Variants in RSF1 observed in about 807,000 individuals in gnomAD.
The protein encoded by RSF1 is remodeling and spacing factor 1.
A neutral mutation model predicts 145.2 loss-of-function variants in RSF1; 13 were observed. The ratio of observed to expected loss-of-function variants is 0.09; its 90% CI spans 0.06 to 0.14. The LOEUF is 0.14. RSF1 is among the 10% of genes least tolerant of loss of function. RSF1 has a pLI of 1.00. For synonymous variants in RSF1, 577 were observed against 592.6 expected (o/e 0.97, Z 0.38); for missense variants, 1,517 against 1,718.2 (o/e 0.88, Z 2.07).
rs556155036 is a variant in RSF1, at chr11:77,771,528, T to C, written c.188-6839A>G. On this transcript the variant is annotated intron_variant, in intron 1 of 15. Transcript: ENST00000308488. The stretch of plus-strand genomic sequence containing the variant: ...AAGTCTTAGAGCTATGTAAAGAGTT[T>C]AGATTTTATTCTAAGGGTAATGAGA... Among the ~76,000 whole-genome samples, 23 of 152,302 alleles carry C rather than the reference T, an allele frequency of 1.5e-4. No homozygotes were observed. In the East Asian group the frequency reaches 4.2e-3, roughly 28 times the overall value.
At chr11:77,817,761 TA>T (rs769382996) in intron 1 of RSF1, among the ~76,000 whole-genome samples, 4 of 152,198 alleles carry the variant, frequency 2.6e-5, no homozygotes, top group Non-Finnish European at 5.9e-5. Flanking sequence ...TGCAAGGAAC[TA>T]AATCCATGTC....
chr11:77,746,180 C>G (rs755223173), intron 3 of RSF1, among the ~76,000 whole-genome samples: 4 of 152,024 alleles, frequency 2.6e-5, no homozygotes, highest in Non-Finnish European at 5.9e-5. Context: ...ACAATTACCC[C>G]CTTGGGACCA....
chr11:77,750,572 C>T (rs1948051472), intron 2 of RSF1, among the ~76,000 whole-genome samples: 1 of 152,106 alleles, frequency 6.6e-6, no homozygotes, highest in Non-Finnish European at 1.5e-5. Context: ...TATAATCTGC[C>T]TAGGGAGCCA....
At chr11:77,804,727 A>G (rs1018356796) in intron 1 of RSF1, among the ~76,000 whole-genome samples, 9 of 152,154 alleles carry the variant, frequency 5.9e-5, no homozygotes, top group Admixed American at 2.6e-4. Context: ...CAGCTACTCA[A>G]GAGGCTGAGG....
intron 5 of RSF1, among the ~76,000 whole-genome samples, chr11:77,711,028 G>A (rs1486832087): frequency 6.6e-6 from 1 of 151,060 alleles, no homozygotes; most frequent in Non-Finnish European, 1.5e-5. Context: ...CCACGATCTG[G>A]GCATTGAGGA....
the RSF1 span, among the ~76,000 whole-genome samples, chr11:77,865,747 A>G: frequency 6.6e-6 from 1 of 152,224 alleles, no homozygotes; most frequent in Non-Finnish European, 1.5e-5. Context: ...AAGCACATAT[A>G]ATACTAGACC....
chr11:77,687,827 T>A (rs932996459), intron 9 of RSF1, among the ~76,000 whole-genome samples: 3 of 152,296 alleles, frequency 2.0e-5, no homozygotes, highest in Non-Finnish European at 4.4e-5. Context: ...TAAAAATTTC[T>A]AAAAATCAAA....
rs564410248 is a variant in RSF1 at position 77,686,408 on chromosome 11, C to CA, written c.2901-1250dup. On this transcript the variant is annotated intron_variant, in intron 9 of 15. Transcript: ENST00000308488. ...GGGCATCAAGAGTGAGACCCTGTCT[C>CA]AAAAAAAAAAAAAAAAAAAAGCAGG... 3.8e-3 allele frequency among the ~76,000 whole-genome samples: 141 copies of CA among 37,056 alleles called. 11 individuals are homozygous for CA. The highest frequency in any genetic ancestry group is 0.015 in the South Asian group (15 of 1,012). The allele number at this position is 37,056 out of a possible 152,430, so 24.3% of individuals were successfully genotyped here.
At chr11:77,712,457 C>T (rs149141772) in intron 5 of RSF1, among the ~76,000 whole-genome samples, 1 of 152,310 alleles carries the variant, frequency 6.6e-6, no homozygotes, top group East Asian at 1.9e-4. Flanking sequence ...CAGACTAATA[C>T]AACACCTTAC....
Position 77,698,647 on chromosome 11 carries a change from C to G in RSF1, c.2555G>C (p.Gly852Ala). 6.2e-7 allele frequency: 1 copy of G among 1,614,106 alleles called. No individual in the cohort carries two copies. The highest frequency in any genetic ancestry group is 8.5e-7 in the Non-Finnish European group (1 of 1,180,012). The change falls in exon 7 of 16, where the codon GGC becomes GCC. Residue 852 changes from glycine to alanine, a missense_variant. Gly to Ala is a moderately conservative substitution (Grantham distance 60). Transcript: ENST00000308488. ...KVRWTGSRTR[G>A]RWKYSSNDES... is the part of the protein sequence containing the mutation. ...ATCATTGCTGGAATATTTCCATCTG[C>G]CACGTGTCCGAGAACCAGTCCATCG...
chr11:77,796,804 G>A (rs545685175), intron 1 of RSF1, among the ~76,000 whole-genome samples: 12 of 152,196 alleles, frequency 7.9e-5, no homozygotes, highest in Admixed American at 2.6e-4. Context: ...AAGCAACTTC[G>A]ACAAAGTCTC....
chr11:77,757,684 G>A (rs1055206617), intron 2 of RSF1, among the ~76,000 whole-genome samples: 11 of 150,618 alleles, frequency 7.3e-5, no homozygotes, highest in African/African-American at 2.7e-4. Flanking sequence ...CTCAAAAAAA[G>A]AAGAAAAAAA....
chr11:77,687,088 G>A (rs1056088544), intron 9 of RSF1, among the ~76,000 whole-genome samples: 4 of 152,126 alleles, frequency 2.6e-5, no homozygotes, highest in African/African-American at 9.7e-5. Context: ...GAATGACGAT[G>A]GCTAGAATTT....
At chr11:77,707,404 T>C (rs1272842680) in intron 5 of RSF1, among the ~76,000 whole-genome samples, 4 of 152,202 alleles carry the variant, frequency 2.6e-5, no homozygotes, top group African/African-American at 9.6e-5. Context: ...AAAGTGAGAT[T>C]TGGGCAAGGA....
the RSF1 span, among the ~76,000 whole-genome samples, chr11:77,862,526 T>A: frequency 1.3e-5 from 2 of 152,100 alleles, no homozygotes; most frequent in Non-Finnish European, 2.9e-5. Flanking sequence ...ATATTGGCAC[T>A]CTTTGGTTCA....
intron 2 of RSF1, among the ~76,000 whole-genome samples, chr11:77,759,786 A>G (rs1590871297): frequency 6.7e-6 from 1 of 149,596 alleles, no homozygotes; most frequent in African/African-American, 2.5e-5. Context: ...TCTGGTGTCT[A>G]TGTGACTTTG....
intron 4 of RSF1, among the ~76,000 whole-genome samples, chr11:77,728,725 A>G (rs1961122217): frequency 6.6e-6 from 1 of 152,164 alleles, no homozygotes; most frequent in Admixed American, 6.5e-5. Flanking sequence ...GAATAGACAA[A>G]TTATAGACAC....
In RSF1 at chr11:77,725,624, G is replaced by A. The variant is rs1294853854; in HGVS notation, c.654C>T (p.Ser218=). The change falls in exon 5 of 16, where the codon AGC becomes AGT. Residue 218 remains serine, a synonymous_variant. Coordinates refer to ENST00000308488, the MANE Select transcript of RSF1 (RefSeq NM_016578.4). ...QIDPVLLKNS[S]QQDNSSRESP... is the part of the protein sequence containing the mutation. ...TTTCCCGAGAAGAGTTGTCTTGTTG[G>A]CTAGAGTTTTTCAATAGTACAGGAT... 1 of 1,611,722 alleles carries A rather than the reference G, an allele frequency of 6.2e-7. No homozygotes were observed. The highest frequency in any genetic ancestry group is 1.3e-5 in the African/African-American group (1 of 74,760).
intron 5 of RSF1, among the ~76,000 whole-genome samples, chr11:77,724,962 T>C (rs978039458): frequency 6.6e-6 from 1 of 152,192 alleles, no homozygotes; most frequent in Admixed American, 6.5e-5. Flanking sequence ...TTGAAGACAC[T>C]ATGCTATGTG....
Sources: gnomAD v4.1 joint callset for allele counts (sites outside exome capture counted in the v4.1 genomes callset) on GRCh38, gnomAD v4.1.1 for gene constraint, MANE v1.5 for transcripts, NCBI Gene and HGNC (gene_info 2026-07-23, HGNC 2026-07-21) for gene names.